Variants in FAM13B observed in about 807,000 individuals in gnomAD.
FAM13B encodes the protein protein FAM13B.
Under a neutral mutation model 117.3 loss-of-function variants are expected in FAM13B, and 60 were observed. That is an observed-to-expected ratio of 0.51 (90% CI 0.42 to 0.63). The LOEUF (loss-of-function observed/expected upper bound fraction) is 0.63, where lower values mean the gene tolerates loss of function less well. FAM13B is among the 30% of genes least tolerant of loss of function. FAM13B has a pLI of 0.00. For missense variants in FAM13B, 972 were observed against 1,091.9 expected (o/e 0.89, Z 1.55); for synonymous variants, 332 against 356.1 (o/e 0.93, Z 0.76).
At position 137,986,354 on chromosome 5, in the gene FAM13B, A is replaced by G. The variant is rs1044214445; in HGVS notation, c.1047-965T>C. On this transcript the variant is annotated intron_variant, in intron 9 of 23. Coordinates refer to ENST00000689681, the MANE Select transcript of FAM13B (RefSeq NM_001385994.1). ...TAAAAACTGTCTTAAAAAAAAAACC[A>G]CTCCCCAATTATCTTTTTTTTTCCT... is the stretch of plus-strand genomic sequence containing the variant. Among the ~76,000 whole-genome samples, 3 of 148,660 alleles carry G rather than the reference A, an allele frequency of 2.0e-5. No homozygotes were observed. In the Admixed American group the frequency reaches 2.0e-4, roughly 10 times the overall value.
chr5:138,024,672 A>G (rs1787727404), intron 1 of FAM13B, among the ~76,000 whole-genome samples: 1 of 152,110 alleles, frequency 6.6e-6, no homozygotes. Context: ...AGATAGAATC[A>G]ATAAAATGTC....
At chr5:138,037,030 T>C, upstream of FAM13B, 1 of 174,776 alleles carries the variant, frequency 5.7e-6, no homozygotes, top group Non-Finnish European at 1.2e-5. Context: ...GTTACAGAGA[T>C]GAGAGAATAC....
In FAM13B at chr5:137,940,163, A is replaced by G. The variant is rs373818342; in HGVS notation, c.*62T>C. ...ACGAATTTAAGTACCAGCCAAGTACACACGATGATAGCTTCAAGGAATACA... is the reference window on the plus strand; with the variant it reads ...ACGAATTTAAGTACCAGCCAAGTACGCACGATGATAGCTTCAAGGAATACA... On this transcript the variant is annotated 3_prime_UTR_variant, in exon 24 of 24. Transcript: ENST00000689681. 1.8e-4 allele frequency: 285 copies of G among 1,613,366 alleles called. No individual in the cohort carries two copies. Among genetic ancestry groups the G allele is most frequent in the Admixed American group, 5.0e-4 (30 of 60,030 alleles).
chr5:137,971,089 C>T (rs1460144968), intron 10 of FAM13B, among the ~76,000 whole-genome samples: 4 of 151,632 alleles, frequency 2.6e-5, no homozygotes, highest in African/African-American at 7.2e-5. Context: ...AGGAATTGAA[C>T]TCAGCTCTGC....
chr5:138,044,816 A>C (rs535670383), intron 1 of FAM13B, among the ~76,000 whole-genome samples: 2 of 152,216 alleles, frequency 1.3e-5, no homozygotes, highest in Admixed American at 1.3e-4. Flanking sequence ...TGAAATTACA[A>C]AAATAAACTT....
At chr5:138,040,255 T>C (rs1791446093) in intron 1 of FAM13B, among the ~76,000 whole-genome samples, 1 of 55,902 alleles carries the variant, frequency 1.8e-5, no homozygotes. Flanking sequence ...AGAGCAAGAC[T>C]CTGTCTCAAA....
chr5:138,012,102 TA>T (rs1185698641), intron 4 of FAM13B, among the ~76,000 whole-genome samples, 157 bp from the exon 5 acceptor site: 1 of 152,116 alleles, frequency 6.6e-6, no homozygotes, highest in African/African-American at 2.4e-5. Flanking sequence ...TAGGGCTTTG[TA>T]TTTCACTTAT....
intron 10 of FAM13B, among the ~76,000 whole-genome samples, chr5:137,980,025 T>C (rs1426192626): frequency 8.2e-6 from 1 of 121,716 alleles, no homozygotes; most frequent in South Asian, 2.6e-4. Flanking sequence ...AAAAAAAAAT[T>C]AGCCGGGCGT....
intron 7 of FAM13B, among the ~76,000 whole-genome samples, chr5:137,996,684 C>T (rs1424560044): frequency 1.3e-5 from 2 of 152,082 alleles, no homozygotes; most frequent in African/African-American, 2.4e-5. Flanking sequence ...CTCCACCTTC[C>T]GCGTTCAAGC....
chr5:137,974,840 ATGG>A (rs1247433321), intron 10 of FAM13B, among the ~76,000 whole-genome samples: 2 of 152,108 alleles, frequency 1.3e-5, no homozygotes, highest in Non-Finnish European at 2.9e-5. Context: ...CAGTTTTTGC[ATGG>A]TCACTTGGCT....
Position 138,018,926 on chromosome 5 carries a change from G to A in FAM13B, c.157+29C>T, listed in dbSNP as rs369871703. 31 of 1,554,026 alleles carry A rather than the reference G, an allele frequency of 2.0e-5. No homozygotes were observed. The African/African-American group carries it at 4.2e-4, about 21-fold the overall frequency. On this transcript the variant is annotated intron_variant, in intron 3 of 23. Transcript: ENST00000689681. ...GTAAGTTGTGTTTATTAAAACAAAA[G>A]CTAGCCCTCAAAGTAAGGAAATGTA...
intron 1 of FAM13B, among the ~76,000 whole-genome samples, chr5:138,028,553 A>C (rs1373889126): frequency 6.6e-6 from 1 of 152,154 alleles, no homozygotes; most frequent in African/African-American, 2.4e-5. Flanking sequence ...TTTTTTGTAT[A>C]TCTTCCCCAC....
intron 10 of FAM13B, among the ~76,000 whole-genome samples, chr5:137,976,959 G>A (rs1774205858): frequency 6.6e-6 from 1 of 152,182 alleles, no homozygotes; most frequent in African/African-American, 2.4e-5. Flanking sequence ...CTTAAACTCT[G>A]ACTGCCGGTG....
chr5:137,971,662 C>T (rs1350681147), intron 10 of FAM13B, among the ~76,000 whole-genome samples: 10 of 151,628 alleles, frequency 6.6e-5, no homozygotes, highest in Middle Eastern at 3.2e-3. Flanking sequence ...AAAAAATTAA[C>T]GAATCCAGGA....
At chr5:138,000,542 T>C (rs1256273932) in intron 7 of FAM13B, among the ~76,000 whole-genome samples, 3 of 152,092 alleles carry the variant, frequency 2.0e-5, no homozygotes, top group Non-Finnish European at 2.9e-5. Context: ...AACCAAAATA[T>C]CTGAGAAGCA....
In FAM13B at chr5:137,949,101, A is replaced by G; in HGVS notation, c.2014T>C (p.Ser672Pro). 2 of 1,614,116 alleles carry G rather than the reference A, an allele frequency of 1.2e-6. No homozygotes were observed. Among genetic ancestry groups the G allele is most frequent in the Non-Finnish European group, 1.7e-6 (2 of 1,180,020 alleles). The change falls in exon 18 of 24, where the codon TCT (serine) becomes CCT (proline). Residue 672 changes from serine to proline, a missense_variant. Physicochemically the swap from Ser to Pro is moderately conservative, Grantham distance 74. Transcript: ENST00000689681. ...SNTLPKSFGS[S>P]LDHEDEENED... ...TTCTCTTCATCTTCATGGTCTAGAG[A>G]AGAGCCAAAGCTTTTTGGAAGTGTG... is the stretch of plus-strand genomic sequence containing the variant.
At chr5:137,968,081 G>A (rs1770644121) in intron 10 of FAM13B, among the ~76,000 whole-genome samples, 1 of 151,780 alleles carries the variant, frequency 6.6e-6, no homozygotes, top group South Asian at 2.1e-4. Flanking sequence ...AATTAGCCAG[G>A]CGTAGTGGCG....
At chr5:138,023,841 T>C (rs1168149030) in intron 1 of FAM13B, among the ~76,000 whole-genome samples, 1 of 152,212 alleles carries the variant, frequency 6.6e-6, no homozygotes, top group Non-Finnish European at 1.5e-5. Flanking sequence ...ATTACAGGCA[T>C]GATCCACCAT....
At chr5:137,986,714 T>C (rs891750852) in intron 9 of FAM13B, among the ~76,000 whole-genome samples, 4 of 152,230 alleles carry the variant, frequency 2.6e-5, no homozygotes, top group African/African-American at 9.6e-5. Flanking sequence ...TTTGGAATAT[T>C]TGCCAGTTAG....
Sources: allele counts gnomAD v4.1 joint callset (sites outside exome capture counted in the v4.1 genomes callset), GRCh38; gene constraint gnomAD v4.1.1; transcripts MANE v1.5; gene names NCBI Gene and HGNC (gene_info 2026-07-23, HGNC 2026-07-21).